DLGAP1: variants seen among roughly 807,000 people sequenced by gnomAD.
The protein encoded by DLGAP1 is disks large-associated protein 1.
DLGAP1 carries 11 observed loss-of-function variants against 90.8 expected under a neutral mutation model. That is an observed-to-expected ratio of 0.12 (90% CI 0.08 to 0.20). DLGAP1 has a LOEUF of 0.20. DLGAP1 is among the 10% of genes least tolerant of loss of function. The pLI is 1.00. For synonymous variants in DLGAP1, 558 were observed against 540.7 expected, an observed-to-expected ratio of 1.03 and a Z score of -0.44; for missense variants, 1,050 against 1,333.8, an observed-to-expected ratio of 0.79 and a Z score of 3.31.
intron 5 of DLGAP1, among the ~76,000 whole-genome samples, chr18:3,748,144 A>G (rs116764457): frequency 2.1e-3 from 313 of 152,328 alleles, no homozygotes; most frequent in African/African-American, 5.1e-3. Flanking sequence ...AACTTTTCCT[A>G]GCTTATCAGA....
rs2063093441 is a variant in DLGAP1, at chr18:3,742,382, G to A, written c.1303C>T (p.Arg435Cys). 6.2e-7 allele frequency: 1 copy of A among 1,614,066 alleles called. No individual in the cohort carries two copies. Among genetic ancestry groups the A allele is most frequent in the Non-Finnish European group, 8.5e-7 (1 of 1,179,998 alleles). ...PAGLLTSPKF[R>C]SRNESYMRAM... ...CGCATGTAGCTCTCATTCCTGGAGCGGAACTTTGGTGATGTGAGCAAGCCT... is the reference window on the plus strand; with the variant it reads ...CGCATGTAGCTCTCATTCCTGGAGCAGAACTTTGGTGATGTGAGCAAGCCT... The change falls in exon 6 of 13, where the codon CGC becomes TGC. Residue 435 changes from arginine (R) to cysteine (C), a missense_variant. Around this residue, in one of 2 missense-constraint regions of DLGAP1, gnomAD observed 565 missense variants for 879.7 expected, o/e 0.64. Coordinates refer to ENST00000315677, the MANE Select transcript of DLGAP1 (RefSeq NM_004746.4).
intron 2 of DLGAP1, among the ~76,000 whole-genome samples, chr18:4,124,461 G>A (rs1018840931): frequency 1.3e-5 from 2 of 152,196 alleles, no homozygotes; most frequent in South Asian, 4.1e-4. Flanking sequence ...CAGCAGTTTG[G>A]GCTCAGAATC....
At chr18:3,739,668 C>G (rs1264503087) in intron 6 of DLGAP1, among the ~76,000 whole-genome samples, 1 of 151,836 alleles carries the variant, frequency 6.6e-6, no homozygotes, top group Non-Finnish European at 1.5e-5. Flanking sequence ...GGAGATATAC[C>G]TAATGCAAGA....
chr18:4,338,190 G>C (rs982394719), intron 1 of DLGAP1, among the ~76,000 whole-genome samples: 6 of 152,028 alleles, frequency 3.9e-5, no homozygotes, highest in Non-Finnish European at 5.9e-5. Flanking sequence ...TTCAAATCAT[G>C]ATCACAAATA....
chr18:3,808,126 T>C (rs1401986032), intron 5 of DLGAP1, among the ~76,000 whole-genome samples: 1 of 152,222 alleles, frequency 6.6e-6, no homozygotes, highest in Non-Finnish European at 1.5e-5. Context: ...TTTTTTTCTT[T>C]TTTAAATAAA....
chr18:3,699,833 G>T (rs903289996), intron 7 of DLGAP1, among the ~76,000 whole-genome samples: 10 of 152,188 alleles, frequency 6.6e-5, no homozygotes, highest in Non-Finnish European at 1.3e-4. Context: ...GAGATGCCCT[G>T]CCCAGAGAGG....
chr18:4,270,057 C>T (rs11663431), intron 1 of DLGAP1, among the ~76,000 whole-genome samples: 16,843 of 152,178 alleles, frequency 0.11, 1,675 homozygotes, highest in African/African-American at 0.27. Context: ...TGTTCAGAAG[C>T]TCTGTGTTAA....
At chr18:3,837,784 G>A (rs906716469) in intron 4 of DLGAP1, among the ~76,000 whole-genome samples, 7 of 140,328 alleles carry the variant, frequency 5.0e-5, no homozygotes, top group Non-Finnish European at 1.1e-4. Flanking sequence ...CCTGGGAGAC[G>A]GAGGTTGCAG....
At chr18:3,864,277 A>G (rs1393922804) in intron 4 of DLGAP1, among the ~76,000 whole-genome samples, 1 of 152,244 alleles carries the variant, frequency 6.6e-6, no homozygotes, top group Admixed American at 6.5e-5. Context: ...CTATTCATCT[A>G]TTCATCTAAT....
intron 7 of DLGAP1, among the ~76,000 whole-genome samples, chr18:3,599,521 C>T (rs545109334): frequency 6.6e-6 from 1 of 152,348 alleles, no homozygotes; most frequent in Admixed American, 6.5e-5. Flanking sequence ...GAGCTCTGTG[C>T]TAACTAAGCC....
intron 3 of DLGAP1, among the ~76,000 whole-genome samples, chr18:3,908,203 G>C (rs915105282): frequency 6.6e-6 from 1 of 152,088 alleles, no homozygotes; most frequent in East Asian, 1.9e-4. Flanking sequence ...TGGCTCATGG[G>C]CAAAATGAGA....
At chr18:3,718,367 A>G (rs1598444269) in intron 7 of DLGAP1, among the ~76,000 whole-genome samples, 1 of 152,182 alleles carries the variant, frequency 6.6e-6, no homozygotes, top group East Asian at 1.9e-4. Flanking sequence ...ACAGTGGCTC[A>G]GTGTAACTTT....
chr18:4,190,147 G>A (rs1300511471), intron 1 of DLGAP1, among the ~76,000 whole-genome samples: 1 of 151,926 alleles, frequency 6.6e-6, no homozygotes, highest in Non-Finnish European at 1.5e-5. Context: ...TAAACAAACT[G>A]TGATATATTC....
chr18:3,867,307 C>T (rs1011541272), intron 4 of DLGAP1, among the ~76,000 whole-genome samples: 4 of 152,190 alleles, frequency 2.6e-5, no homozygotes, highest in African/African-American at 4.8e-5. Context: ...CTCTCCAGAT[C>T]TCAGTTGTCT....
intron 1 of DLGAP1, among the ~76,000 whole-genome samples, chr18:4,157,614 A>ATTT (rs2076778434): frequency 6.6e-6 from 1 of 152,210 alleles, no homozygotes; most frequent in Non-Finnish European, 1.5e-5. Context: ...TTAGTAGTTG[A>ATTT]ACCAGTGTTT....
chr18:3,886,352 A>G (rs1230540130), intron 3 of DLGAP1, among the ~76,000 whole-genome samples: 6 of 152,186 alleles, frequency 3.9e-5, no homozygotes, highest in Non-Finnish European at 8.8e-5. Context: ...CAGGCATATA[A>G]TGTTTAATAA....
chr18:4,354,256 C>T (rs2081458538), intron 1 of DLGAP1, among the ~76,000 whole-genome samples: 2 of 152,152 alleles, frequency 1.3e-5, no homozygotes, highest in Non-Finnish European at 2.9e-5. Flanking sequence ...AACCCCTCTC[C>T]TCCAAAGCCA....
chr18:4,161,085 C>CA (rs150188557), intron 1 of DLGAP1, among the ~76,000 whole-genome samples: 2,661 of 145,564 alleles, frequency 0.018, 80 homozygotes, highest in African/African-American at 0.064. Context: ...TTTTTTTCTT[C>CA]AACTTTTAAG....
At chr18:4,209,014 G>A (rs11877797) in intron 1 of DLGAP1, among the ~76,000 whole-genome samples, 16,806 of 152,086 alleles carry the variant, frequency 0.11, 1,473 homozygotes, top group African/African-American at 0.25. Flanking sequence ...AGTAAATAAC[G>A]GTAACTGTCC....
Sources: gnomAD v4.1 joint callset for allele counts (sites outside exome capture counted in the v4.1 genomes callset) on GRCh38, gnomAD v4.1.1 for gene constraint, gnomAD v4.1.1 regional missense constraint, MANE v1.5 for transcripts, NCBI Gene and HGNC (gene_info 2026-07-23, HGNC 2026-07-21) for gene names.